KCNH7: variants seen among roughly 807,000 people sequenced by gnomAD.
KCNH7 encodes potassium voltage-gated channel subfamily H member 7.
In KCNH7, 49 loss-of-function variants were observed where a neutral mutation model predicts 120.8. The ratio of observed to expected loss-of-function variants is 0.41; its 90% CI spans 0.32 to 0.51. KCNH7 has a LOEUF of 0.51. Among genes scored for constraint, KCNH7 ranks in the 20% least tolerant of loss-of-function variants. The pLI is 0.38. For missense variants in KCNH7, 1,097 were observed against 1,446.6 expected (o/e 0.76, Z 3.92); for synonymous variants, 547 against 516.1 (o/e 1.06, Z -0.81).
chr2:162,701,977 A>C (rs1000916599), intron 2 of KCNH7, among the ~76,000 whole-genome samples: 1 of 151,410 alleles, frequency 6.6e-6, no homozygotes, highest in Non-Finnish European at 1.5e-5. Context: ...ACTATACTCC[A>C]GCCTGGGTGA....
At chr2:162,497,323 T>C (rs1302038169) in intron 6 of KCNH7, among the ~76,000 whole-genome samples, 1 of 152,170 alleles carries the variant, frequency 6.6e-6, no homozygotes, top group Non-Finnish European at 1.5e-5. Flanking sequence ...GGTTTTGCTT[T>C]TTCTGTAACT....
At chr2:162,442,081 A>C (rs750770866) in intron 7 of KCNH7, among the ~76,000 whole-genome samples, 3 of 117,488 alleles carry the variant, frequency 2.6e-5, no homozygotes, top group Non-Finnish European at 4.9e-5. Flanking sequence ...CAGTGGTGCG[A>C]TCTCTGCTAT....
chr2:162,601,153 G>A (rs753603222), intron 2 of KCNH7, among the ~76,000 whole-genome samples: 1 of 151,976 alleles, frequency 6.6e-6, no homozygotes, highest in Non-Finnish European at 1.5e-5. Flanking sequence ...GGAGAAGAAT[G>A]TGATTGGTTA....
intron 6 of KCNH7, among the ~76,000 whole-genome samples, chr2:162,457,928 T>G (rs1008390912): frequency 2.0e-5 from 3 of 152,166 alleles, no homozygotes; most frequent in African/African-American, 7.2e-5. Flanking sequence ...ATCTCATTGA[T>G]GATTACCTAT....
At chr2:162,675,554 A>G (rs961950234) in intron 2 of KCNH7, among the ~76,000 whole-genome samples, 21 of 151,568 alleles carry the variant, frequency 1.4e-4, no homozygotes, top group African/African-American at 5.1e-4. Flanking sequence ...TGAATACACT[A>G]TTGATACACA....
chr2:162,433,298 T>C (rs1017654322), intron 8 of KCNH7, among the ~76,000 whole-genome samples: 2 of 151,768 alleles, frequency 1.3e-5, no homozygotes, highest in Middle Eastern at 6.3e-3. Context: ...TTATAGAAAG[T>C]GAAACAGAGC....
At chr2:162,507,336 A>C (rs1179254165) in intron 5 of KCNH7, among the ~76,000 whole-genome samples, 2 of 151,670 alleles carry the variant, frequency 1.3e-5, no homozygotes, top group African/African-American at 2.4e-5. Context: ...CACACTAATA[A>C]AAGTTCCTTC....
chr2:162,713,361 G>A (rs1207239073), intron 2 of KCNH7, among the ~76,000 whole-genome samples: 5 of 152,168 alleles, frequency 3.3e-5, no homozygotes, highest in South Asian at 2.1e-4. Context: ...GACATGTCTC[G>A]TGGCTTGTAC....
At chr2:162,575,153 G>A (rs1431478636) in intron 2 of KCNH7, among the ~76,000 whole-genome samples, 1 of 152,024 alleles carries the variant, frequency 6.6e-6, no homozygotes, top group Non-Finnish European at 1.5e-5. Flanking sequence ...CTAGAACTGG[G>A]AATTTGACCA....
intron 2 of KCNH7, among the ~76,000 whole-genome samples, chr2:162,760,834 C>G (rs955319073): frequency 1.3e-5 from 2 of 152,048 alleles, no homozygotes; most frequent in African/African-American, 4.8e-5. Flanking sequence ...TTGAACAGCA[C>G]ACGTAAGATT....
intron 12 of KCNH7, among the ~76,000 whole-genome samples, chr2:162,387,413 A>G (rs928598841): frequency 3.3e-5 from 5 of 151,426 alleles, no homozygotes; most frequent in Non-Finnish European, 5.9e-5. Context: ...CTAAATTTTG[A>G]TGGACTGTAC....
intron 2 of KCNH7, among the ~76,000 whole-genome samples, chr2:162,742,391 T>G (rs892438550): frequency 3.9e-5 from 6 of 152,180 alleles, no homozygotes; most frequent in Non-Finnish European, 8.8e-5. Flanking sequence ...AATAAAATAC[T>G]TTTTCTTATT....
intron 2 of KCNH7, among the ~76,000 whole-genome samples, chr2:162,539,782 A>T (rs1300614523): frequency 2.0e-5 from 3 of 152,214 alleles, no homozygotes; most frequent in African/African-American, 7.2e-5. Flanking sequence ...TCACATTCAC[A>T]TACTTTTCTC....
intron 2 of KCNH7, among the ~76,000 whole-genome samples, chr2:162,668,910 A>G (rs1314693573): frequency 2.6e-5 from 4 of 152,220 alleles, no homozygotes; most frequent in Non-Finnish European, 4.4e-5. Context: ...TATGGAAATT[A>G]GAAATGTAAT....
chr2:162,508,186 G>T (rs1690947817), intron 5 of KCNH7, among the ~76,000 whole-genome samples: 2 of 151,426 alleles, frequency 1.3e-5, no homozygotes. Context: ...GGAGACATTG[G>T]ATCTGATATG....
intron 15 of KCNH7, among the ~76,000 whole-genome samples, chr2:162,372,321 C>A (rs904513013): frequency 1.1e-4 from 16 of 151,922 alleles, no homozygotes; most frequent in Admixed American, 8.5e-4. Flanking sequence ...ACCCTGGAAC[C>A]AGATTTTAAA....
intron 2 of KCNH7, among the ~76,000 whole-genome samples, chr2:162,739,467 T>C (rs1366503497): frequency 6.6e-6 from 1 of 152,176 alleles, no homozygotes; most frequent in South Asian, 2.1e-4. Flanking sequence ...CTTTTCTACC[T>C]GCTGGTTTTG....
intron 2 of KCNH7, among the ~76,000 whole-genome samples, chr2:162,610,060 A>G (rs1370832785): frequency 2.0e-5 from 3 of 152,218 alleles, no homozygotes; most frequent in Non-Finnish European, 4.4e-5. Flanking sequence ...TACATAACAC[A>G]GCTGGGTTAA....
intron 2 of KCNH7, among the ~76,000 whole-genome samples, chr2:162,684,049 T>A (rs1295624899): frequency 6.6e-6 from 1 of 151,906 alleles, no homozygotes; most frequent in African/African-American, 2.4e-5. Flanking sequence ...ATGCCACACA[T>A]CTACAACCAT....
Sources: gnomAD v4.1 joint callset for allele counts (sites outside exome capture counted in the v4.1 genomes callset) on GRCh38, gnomAD v4.1.1 for gene constraint, MANE v1.5 for transcripts, NCBI Gene and HGNC (gene_info 2026-07-23, HGNC 2026-07-21) for gene names.